Variants in SYTL5 observed in about 807,000 individuals in gnomAD.
SYTL5 encodes synaptotagmin-like protein 5.
In SYTL5, 34 loss-of-function variants were observed where a neutral mutation model predicts 55.9. The observed-to-expected ratio is 0.61, with a 90% confidence interval of 0.46 to 0.81. SYTL5 has a LOEUF of 0.81. SYTL5 is among the 30% of genes least tolerant of loss of function. The probability of loss-of-function intolerance (pLI) is 0.00; values close to 1 mark genes in which losing one functional copy is unlikely to be tolerated. For missense variants in SYTL5, 637 were observed against 546.7 expected (o/e 1.17, Z -1.65); for synonymous variants, 221 against 188.7 (o/e 1.17, Z -1.40).
chrX:37,988,155 C>T, the SYTL5 span, among the ~76,000 whole-genome samples: 2 of 111,486 alleles, frequency 1.8e-5, no homozygotes, highest in East Asian at 5.6e-4. Context: ...GAGGCAGAGG[C>T]GAATTTGACA....
chrX:37,896,727 C>T, the SYTL5 span, among the ~76,000 whole-genome samples: 1 of 111,900 alleles, frequency 8.9e-6, no homozygotes, highest in Non-Finnish European at 1.9e-5. Context: ...AGCTGACCTC[C>T]CAGCTGACTA....
rs1357086070 is a variant in SYTL5, at chrX:38,082,487, T to C, written c.689+5786T>C. Reference sequence around the variant, plus strand: ...TCAACACACAGCTCTGTTAACATTATTGACCTAGTACTATATATGCCAGAT... The same window carrying C: ...TCAACACACAGCTCTGTTAACATTACTGACCTAGTACTATATATGCCAGAT... On this transcript the variant is annotated intron_variant, in intron 6 of 16. Transcript: ENST00000297875. 5.3e-5 allele frequency among the ~76,000 whole-genome samples: 6 copies of C among 112,520 alleles called. No homozygotes were observed. In the East Asian group the frequency reaches 1.7e-3, roughly 31 times the overall value.
chrX:38,062,393 G>T (rs1935977442), intron 3 of SYTL5, among the ~76,000 whole-genome samples: 1 of 112,180 alleles, frequency 8.9e-6, no homozygotes, highest in Non-Finnish European at 1.9e-5. Context: ...GGAAGATCCT[G>T]ATGATATTTT....
the SYTL5 span, among the ~76,000 whole-genome samples, chrX:37,899,678 G>A: frequency 9.0e-6 from 1 of 111,659 alleles, no homozygotes; most frequent in Non-Finnish European, 1.9e-5. Flanking sequence ...CCATGACACT[G>A]GTGTGCTACT....
intron 2 of SYTL5, among the ~76,000 whole-genome samples, chrX:38,040,464 G>A (rs1279908003): frequency 4.3e-5 from 2 of 46,765 alleles, no homozygotes; most frequent in Non-Finnish European, 8.3e-5. Flanking sequence ...TCCCCCCCCC[G>A]ACCCGAGCCC....
chrX:38,103,324 C>T (rs1474676839), intron 10 of SYTL5, among the ~76,000 whole-genome samples: 1 of 112,100 alleles, frequency 8.9e-6, no homozygotes, highest in Non-Finnish European at 1.9e-5. Context: ...AAATGATTAA[C>T]TATCAACAAA....
At chrX:38,057,355 T>A (rs746534763) in intron 3 of SYTL5, among the ~76,000 whole-genome samples, 2 of 111,902 alleles carry the variant, frequency 1.8e-5, no homozygotes, top group Non-Finnish European at 3.8e-5. Context: ...TCTGTTTTTA[T>A]ACTAGTACCA....
upstream of SYTL5, among the ~76,000 whole-genome samples, chrX:38,001,777 G>T (rs1279588620): frequency 2.7e-5 from 3 of 111,418 alleles, no homozygotes; most frequent in Non-Finnish European, 5.7e-5. Flanking sequence ...GATATCTCTT[G>T]GATATACTGA....
the SYTL5 span, among the ~76,000 whole-genome samples, chrX:37,900,415 A>C: frequency 3.6e-5 from 4 of 112,218 alleles, no homozygotes; most frequent in Non-Finnish European, 7.5e-5. Context: ...TGGAAAAATT[A>C]AGCAGGAATA....
At chrX:37,955,117 G>C in the SYTL5 span, among the ~76,000 whole-genome samples, 1 of 110,190 alleles carries the variant, frequency 9.1e-6, no homozygotes, top group Non-Finnish European at 1.9e-5. Context: ...TTAGGGTTAT[G>C]GTCCCTTCTT....
intron 6 of SYTL5, among the ~76,000 whole-genome samples, chrX:38,083,835 AAT>A (rs10692415): frequency 1.5e-4 from 15 of 98,976 alleles, no homozygotes; most frequent in Non-Finnish European, 1.4e-4. Context: ...CTGTGGTGTT[AAT>A]ATATATATAT....
intron 3 of SYTL5, among the ~76,000 whole-genome samples, chrX:38,062,459 A>G (rs1935980180): frequency 8.9e-6 from 1 of 112,277 alleles, no homozygotes; most frequent in African/African-American, 3.2e-5. Flanking sequence ...ACTGAAATAG[A>G]TGAAAAATAC....
chrX:38,051,438 G>T (rs955192929), intron 2 of SYTL5, among the ~76,000 whole-genome samples: 1 of 111,515 alleles, frequency 9.0e-6, no homozygotes, highest in African/African-American at 3.3e-5. Context: ...TTCTAAGTGA[G>T]ATTGCATGGT....
At chrX:38,034,056 G>A (rs201757840) in intron 2 of SYTL5, 48 bp downstream of exon 2, 7 of 777,003 alleles carry the variant, frequency 9.0e-6, no homozygotes, top group Non-Finnish European at 1.3e-5. Flanking sequence ...CTTTCTGTTT[G>A]TTTGAAGCAA....
chrX:37,915,119 C>T, the SYTL5 span, among the ~76,000 whole-genome samples: 1 of 111,934 alleles, frequency 8.9e-6, no homozygotes, highest in African/African-American at 3.2e-5. Flanking sequence ...CAGCACAGCA[C>T]ACAGGGGCTA....
the SYTL5 span, among the ~76,000 whole-genome samples, chrX:37,924,337 G>A: frequency 2.7e-5 from 3 of 110,872 alleles, no homozygotes; most frequent in East Asian, 2.8e-4. Context: ...TAGTGTCCCC[G>A]TTTATACAGC....
At chrX:38,074,352 G>A (rs1352581732) in intron 5 of SYTL5, among the ~76,000 whole-genome samples, 1 of 111,803 alleles carries the variant, frequency 8.9e-6, no homozygotes, top group Non-Finnish European at 1.9e-5. Context: ...TGCAGCTATT[G>A]GCCAGTTTTT....
chrX:38,041,480 T>C (rs1228766491), intron 2 of SYTL5, among the ~76,000 whole-genome samples: 1 of 111,985 alleles, frequency 8.9e-6, no homozygotes, highest in Non-Finnish European at 1.9e-5. Flanking sequence ...TTAATCCTAA[T>C]AGAATTGCCA....
At chrX:38,110,504 G>A in intron 13 of SYTL5, 22 bp downstream of exon 13, 1 of 1,150,739 alleles carries the variant, frequency 8.7e-7, no homozygotes, top group Non-Finnish European at 1.2e-6. Flanking sequence ...TCTCAGATTA[G>A]TCAGTTATGC....
Sources: gnomAD v4.1 joint callset for allele counts (sites outside exome capture counted in the v4.1 genomes callset) on GRCh38, gnomAD v4.1.1 for gene constraint, MANE v1.5 for transcripts, NCBI Gene and HGNC (gene_info 2026-07-23, HGNC 2026-07-21) for gene names.